Variants in EPHA8 observed in about 807,000 individuals in gnomAD.
EPHA8 encodes the protein ephrin type-A receptor 8.
In EPHA8, 58 loss-of-function variants were observed where a neutral mutation model predicts 103.6. The observed-to-expected ratio is 0.56, with a 90% CI of 0.45 to 0.70. EPHA8 has a LOEUF of 0.70. Among genes scored for constraint, EPHA8 ranks in the 30% least tolerant of loss-of-function variants. The probability of loss-of-function intolerance (pLI) is 0.00; values close to 1 mark genes in which losing one functional copy is unlikely to be tolerated. For synonymous variants in EPHA8, 559 were observed against 572.5 expected, an observed-to-expected ratio of 0.98 and a Z score of 0.34; for missense variants, 1,304 against 1,395.2, an observed-to-expected ratio of 0.93 and a Z score of 1.04.
Position 22,600,997 on chromosome 1 carries a change from G to C in EPHA8, c.2638G>C (p.Ala880Pro). 1 of 1,612,986 alleles carries C rather than the reference G, an allele frequency of 6.2e-7. No homozygotes were observed. Among genetic ancestry groups the C allele is most frequent in the Non-Finnish European group, 8.5e-7 (1 of 1,179,884 alleles). ...LMLDCWHKDR[A>P]QRPRFSQIVS... is the part of the protein sequence containing the mutation. ...GCTCGACTGTTGGCACAAGGACCGG[G>C]CGCAGCGGCCTCGCTTCTCCCAGAT... The change falls in exon 15 of 17, where the codon GCG becomes CCG. Residue 880 changes from alanine (A) to proline (P), a missense_variant. Transcript: ENST00000166244.
chr1:22,597,277 T>C lies in EPHA8; in HGVS notation c.1766-35T>C. The C allele has an allele frequency of 1.9e-6, 3 of 1,549,880 alleles. No homozygotes were observed. Among genetic ancestry groups the C allele is most frequent in the Non-Finnish European group, 2.6e-6 (3 of 1,132,868 alleles). ...AATGTCAGGAAAAAGCAATCTCTCC[T>C]GGGCCCCACTGAAGGCCCTCCTCCC... is the stretch of plus-strand genomic sequence containing the variant. On this transcript the variant is annotated intron_variant, in intron 9 of 16. Coordinates refer to ENST00000166244, the MANE Select transcript of EPHA8 (RefSeq NM_020526.5). The surrounding 1 kb of genome is among the most constrained non-coding windows in gnomAD (Gnocchi z 4.6).
In EPHA8 at chr1:22,598,095, G is replaced by A; in HGVS notation, c.2117-56G>A. 2.5e-6 allele frequency: 4 copies of A among 1,582,512 alleles called. No individual in the cohort carries two copies. In the South Asian group the frequency reaches 4.4e-5, roughly 17 times the overall value. ...ATGGTGGTATGCTCCTGGGGTCTCT[G>A]ATCAGCAGCCCTGAGCCCCAAACCA... is the stretch of plus-strand genomic sequence containing the variant. On this transcript the variant is annotated intron_variant, in intron 11 of 16. Transcript: ENST00000166244. This position sits in a 1 kb window ranked among gnomAD's most constrained non-coding sequence, Gnocchi z 5.1.
intron 3 of EPHA8, among the ~76,000 whole-genome samples, chr1:22,581,612 G>T (rs1048517793): frequency 9.9e-5 from 15 of 152,178 alleles, no homozygotes; most frequent in Non-Finnish European, 2.1e-4. Context: ...GGCCTGAGTG[G>T]CAGGACCTCA....
chr1:22,573,041 G>A (rs1487950659), intron 2 of EPHA8, among the ~76,000 whole-genome samples: 1 of 152,182 alleles, frequency 6.6e-6, no homozygotes, highest in African/African-American at 2.4e-5. Context: ...CTGGCTCTTT[G>A]GTGCTCCATT....
At chr1:22,600,034 G>A (rs111068004) in intron 13 of EPHA8, among the ~76,000 whole-genome samples, 1,793 of 116,846 alleles carry the variant, frequency 0.015, 60 homozygotes, top group African/African-American at 0.055. Context: ...GGGAGAGAAG[G>A]AGGGAGGGAG....
At chr1:22,585,052 C>CGCACGCGT (rs1641161232) in intron 3 of EPHA8, among the ~76,000 whole-genome samples, 1 of 144,370 alleles carries the variant, frequency 6.9e-6, no homozygotes, top group Non-Finnish European at 1.5e-5. Context: ...TGTGTGTGTG[C>CGCACGCGT]GCACGCGTGT....
chr1:22,596,201 G>A (rs1641514030), intron 9 of EPHA8, 28 bp downstream of exon 9: 1 of 1,610,072 alleles, frequency 6.2e-7, no homozygotes, highest in Non-Finnish European at 8.5e-7. Context: ...GTGGTCTGGG[G>A]CAGAGGGAAG....
chr1:22,601,535 G>A (rs1028862484), intron 16 of EPHA8, 62 bp downstream of exon 16: 3 of 1,600,448 alleles, frequency 1.9e-6, no homozygotes, highest in Non-Finnish European at 2.6e-6. Flanking sequence ...ACCCCTGCCG[G>A]GGAGGCTACA....
intron 3 of EPHA8, among the ~76,000 whole-genome samples, chr1:22,582,765 C>A (rs534189833): frequency 2.3e-4 from 35 of 152,292 alleles, no homozygotes; most frequent in Admixed American, 1.3e-3. Context: ...CTGGTTCACC[C>A]CAGAAAGAGG....
rs371869168 is a variant in EPHA8 at position 22,597,667 on chromosome 1, G to A, written c.1931-9G>A. 1.5e-4 allele frequency: 235 copies of A among 1,597,478 alleles called. No individual in the cohort carries two copies. Among genetic ancestry groups the A allele is most frequent in the Non-Finnish European group, 3.1e-5 (36 of 1,171,146 alleles). On this transcript the variant is annotated splice_polypyrimidine_tract_variant and intron_variant, in intron 10 of 16. Coordinates refer to ENST00000166244, the MANE Select transcript of EPHA8 (RefSeq NM_020526.5). The surrounding 1 kb of genome is among the most constrained non-coding windows in gnomAD (Gnocchi z 4.6). Reference sequence around the variant, plus strand: ...CTCCCTCCACACCTGCCCCTCTCGGGGCCTGCAGGAGACTCCGGGGAAGTC... The same window carrying A: ...CTCCCTCCACACCTGCCCCTCTCGGAGCCTGCAGGAGACTCCGGGGAAGTC...
chr1:22,601,038 T>C lies in EPHA8; in HGVS notation c.2679T>C (p.Asp893=). 6.2e-7 allele frequency: 1 copy of C among 1,612,584 alleles called. No individual in the cohort carries two copies. The highest frequency in any genetic ancestry group is 1.1e-5 in the South Asian group (1 of 91,068). The change falls in exon 15 of 17, where the codon GAT becomes GAC. Residue 893 remains aspartate (D), a synonymous_variant. Transcript: ENST00000166244. ...PRFSQIVSVL[D]ALIRSPESLR... is the part of the protein sequence containing the mutation. ...TCTCCCAGATTGTCAGTGTCCTCGA[T>C]GCGCTCATCCGCAGCCCTGAGAGTC...
At chr1:22,574,283 A>ATCTT (rs1278492963) in intron 2 of EPHA8, among the ~76,000 whole-genome samples, 1 of 152,174 alleles carries the variant, frequency 6.6e-6, no homozygotes, top group South Asian at 2.1e-4. Flanking sequence ...CCGGCCAGGC[A>ATCTT]TCTTTCTTTC....
intron 2 of EPHA8, among the ~76,000 whole-genome samples, chr1:22,573,608 G>A (rs1304906291): frequency 6.6e-6 from 1 of 152,112 alleles, no homozygotes; most frequent in Non-Finnish European, 1.5e-5. Flanking sequence ...AAAGGTCAAG[G>A]TGTTGCATGC....
At position 22,569,156 on chromosome 1, in the gene EPHA8, A is replaced by C; in HGVS notation, c.95-133A>C. 1 of 779,102 alleles carries C rather than the reference A, an allele frequency of 1.3e-6. No individual in the cohort carries two copies. Among genetic ancestry groups the C allele is most frequent in the Non-Finnish European group, 2.1e-6 (1 of 470,140 alleles). 48.3% of individuals were successfully genotyped at this position (779,102 alleles called of 1,614,324 possible). A position where few individuals can be genotyped will look rare whatever the true frequency, so the allele number is the denominator to read the frequency against. On this transcript the variant is annotated intron_variant, in intron 1 of 16. Coordinates refer to ENST00000166244, the MANE Select transcript of EPHA8 (RefSeq NM_020526.5). This position sits in a 1 kb window ranked among gnomAD's most constrained non-coding sequence, Gnocchi z 4.5. ...AAGGAGAGGGGAAGAGAGAAAGGGC[A>C]TTCAGGCAGAGGGACCCGTGTGAGC...
intron 3 of EPHA8, among the ~76,000 whole-genome samples, chr1:22,585,773 CAGTGTGGGCCTGGG>C (rs1244826408): frequency 6.6e-5 from 10 of 152,160 alleles, no homozygotes; most frequent in Non-Finnish European, 1.5e-5. Flanking sequence ...GGGACAGTGA[CAGTGTGGGCCTGGG>C]AGGGGAGAAG....
chr1:22,581,954 T>A, intron 3 of EPHA8, among the ~76,000 whole-genome samples: 1 of 152,170 alleles, frequency 6.6e-6, no homozygotes, highest in East Asian at 1.9e-4. Context: ...AACTAAGGCC[T>A]TTCACAAATG....
At chr1:22,594,076 C>T (rs1641450748) in intron 7 of EPHA8, among the ~76,000 whole-genome samples, 1 of 152,246 alleles carries the variant, frequency 6.6e-6, no homozygotes, top group African/African-American at 2.4e-5. Flanking sequence ...TGTGATCCAC[C>T]CGCCTCAGCC....
At chr1:22,600,524 G>A in intron 13 of EPHA8, 137 bp from the exon 14 acceptor site, 1 of 1,206,264 alleles carries the variant, frequency 8.3e-7, no homozygotes, top group Non-Finnish European at 1.2e-6. Flanking sequence ...CAGGACAGGT[G>A]CTCTGGGACG....
chr1:22,594,380 G>A (rs779088728), intron 7 of EPHA8, among the ~76,000 whole-genome samples: 25 of 152,244 alleles, frequency 1.6e-4, no homozygotes, highest in Non-Finnish European at 8.8e-5. Context: ...ACTGAGATGA[G>A]TGTCAGGGTC....
Sources: gnomAD v4.1 joint callset for allele counts (sites outside exome capture counted in the v4.1 genomes callset) on GRCh38, gnomAD v4.1.1 for gene constraint, Gnocchi (gnomAD v3.1) non-coding constraint, MANE v1.5 for transcripts, NCBI Gene and HGNC (gene_info 2026-07-23, HGNC 2026-07-21) for gene names.